APBA1: variants seen among roughly 807,000 people sequenced by gnomAD.
APBA1 encodes amyloid beta precursor protein binding family A member 1.
APBA1 carries 55 observed loss-of-function variants against 86.6 expected under a neutral mutation model. The observed-to-expected ratio is 0.64, with a 90% CI of 0.51 to 0.80. The LOEUF (loss-of-function observed/expected upper bound fraction) is 0.80. Ranked by LOEUF, APBA1 falls within the 30% of genes least tolerant of loss-of-function variation. The pLI, the probability that APBA1 is intolerant of heterozygous loss-of-function variation, is 0.00. For synonymous variants in APBA1, 511 were observed against 493.9 expected (o/e 1.03, Z -0.46); for missense variants, 1,090 against 1,183.0 (o/e 0.92, Z 1.15).
chr9:69,449,892 A>C lies in APBA1; in HGVS notation c.1969-96T>G, dbSNP rs530902391. On this transcript the variant is annotated intron_variant, in intron 9 of 12. Coordinates refer to ENST00000265381, the MANE Select transcript of APBA1 (RefSeq NM_001163.4). Reference sequence around the variant, plus strand: ...CCCCCATTCCTGTCTTGCCTAAAGAAAGACACTTCCCTGGGGACACCAACC... The same window carrying C: ...CCCCCATTCCTGTCTTGCCTAAAGACAGACACTTCCCTGGGGACACCAACC... 13 of 1,125,220 alleles carry C rather than the reference A, an allele frequency of 1.2e-5. No individual in the cohort carries two copies. The Admixed American group carries it at 2.2e-4, about 19-fold the overall frequency. The allele number at this position is 1,125,220 out of a possible 1,614,324, so 69.7% of individuals were successfully genotyped here.
chr9:69,669,803 C>G (rs1438940970), intron 1 of APBA1, among the ~76,000 whole-genome samples: 11 of 152,046 alleles, frequency 7.2e-5, no homozygotes, highest in Non-Finnish European at 1.0e-4. Flanking sequence ...AAAATGATCA[C>G]ATTTACATTA....
At chr9:69,654,680 G>A (rs1823574164) in intron 1 of APBA1, among the ~76,000 whole-genome samples, 2 of 152,104 alleles carry the variant, frequency 1.3e-5, no homozygotes, top group South Asian at 4.1e-4. Flanking sequence ...TTGAAGAGAA[G>A]GGAATACTTC....
chr9:69,540,815 T>C (rs1361940116), intron 1 of APBA1, among the ~76,000 whole-genome samples: 4 of 152,130 alleles, frequency 2.6e-5, no homozygotes, highest in Non-Finnish European at 5.9e-5. Context: ...CCCAGGTTGG[T>C]CTTGAACTTG....
intron 5 of APBA1, 88 bp from the exon 6 acceptor site, chr9:69,458,276 T>C (rs1835133134): frequency 2.4e-6 from 3 of 1,228,672 alleles, no homozygotes; most frequent in Admixed American, 2.2e-5. Context: ...GACAAACTAA[T>C]ACTGAATAGT....
At chr9:69,511,400 A>G (rs201464430) in intron 2 of APBA1, among the ~76,000 whole-genome samples, 22,882 of 152,076 alleles carry the variant, frequency 0.15, 2,284 homozygotes, top group East Asian at 0.29. Flanking sequence ...TTAGAATGGC[A>G]ATCACTAAAA....
At chr9:69,555,098 A>G (rs111529180) in intron 1 of APBA1, among the ~76,000 whole-genome samples, 15 of 152,308 alleles carry the variant, frequency 9.8e-5, no homozygotes, top group African/African-American at 3.1e-4. Flanking sequence ...GCAACATCAG[A>G]AAGTCATTTT....
intron 1 of APBA1, among the ~76,000 whole-genome samples, chr9:69,612,094 G>A: frequency 6.6e-6 from 1 of 151,986 alleles, no homozygotes; most frequent in Non-Finnish European, 1.5e-5. Context: ...CAATTTTTGT[G>A]TAATTCTTTG....
intron 10 of APBA1, among the ~76,000 whole-genome samples, chr9:69,443,904 C>T (rs924308444): frequency 3.3e-5 from 5 of 152,178 alleles, no homozygotes; most frequent in African/African-American, 1.2e-4. Flanking sequence ...TCTGTGTCCC[C>T]AAATTCCAGC....
chr9:69,553,043 A>G lies in APBA1; in HGVS notation c.-69-35764T>C, dbSNP rs548308848. Among the ~76,000 whole-genome samples, 4 of 152,082 alleles carry G rather than the reference A, an allele frequency of 2.6e-5. No individual in the cohort carries two copies. In the South Asian group the frequency reaches 8.3e-4, roughly 32 times the overall value. On this transcript the variant is annotated intron_variant, in intron 1 of 12. Coordinates refer to ENST00000265381, the MANE Select transcript of APBA1 (RefSeq NM_001163.4). ...CTAAGCCTCCTGAGTAGCTGGGAAT[A>G]CAGGCATGTGCCACTACACTCGGCT...
chr9:69,561,613 T>C (rs1836946280), intron 1 of APBA1, among the ~76,000 whole-genome samples: 1 of 151,766 alleles, frequency 6.6e-6, no homozygotes, highest in Non-Finnish European at 1.5e-5. Context: ...CTGCCAAACC[T>C]ACTCCTTATC....
At chr9:69,617,341 G>A (rs1333509074) in intron 1 of APBA1, among the ~76,000 whole-genome samples, 1 of 151,956 alleles carries the variant, frequency 6.6e-6, no homozygotes, top group East Asian at 1.9e-4. Context: ...TAATATTGTA[G>A]TGGTGACTTC....
At chr9:69,616,134 A>G (rs938561808) in intron 1 of APBA1, among the ~76,000 whole-genome samples, 9 of 152,356 alleles carry the variant, frequency 5.9e-5, no homozygotes, top group African/African-American at 2.2e-4. Context: ...TAGTCCACGC[A>G]GTGAGTGACT....
At chr9:69,523,248 A>G (rs1458917177) in intron 1 of APBA1, among the ~76,000 whole-genome samples, 1 of 151,866 alleles carries the variant, frequency 6.6e-6, no homozygotes, top group Non-Finnish European at 1.5e-5. Context: ...ATCATTGATG[A>G]GCATTTCCAA....
intron 5 of APBA1, among the ~76,000 whole-genome samples, chr9:69,466,724 G>A (rs1835286353): frequency 1.3e-5 from 2 of 152,188 alleles, no homozygotes; most frequent in South Asian, 2.1e-4. Flanking sequence ...CTTTGATTGC[G>A]AGATCAAGGA....
At chr9:69,491,372 G>T (rs1277070187) in intron 2 of APBA1, among the ~76,000 whole-genome samples, 1 of 151,774 alleles carries the variant, frequency 6.6e-6, no homozygotes, top group African/African-American at 2.4e-5. Context: ...ACCAAACACC[G>T]CATGTTCTCA....
intron 1 of APBA1, among the ~76,000 whole-genome samples, chr9:69,624,419 A>G (rs897031218): frequency 6.6e-6 from 1 of 152,226 alleles, no homozygotes; most frequent in African/African-American, 2.4e-5. Context: ...TTCTTCTATT[A>G]TTAATTATTA....
intron 1 of APBA1, among the ~76,000 whole-genome samples, chr9:69,635,014 A>C (rs1336782008): frequency 4.6e-5 from 7 of 152,182 alleles, no homozygotes. Flanking sequence ...GCTAATGAAC[A>C]ATAAGAAATC....
rs760109806 is a variant in APBA1, at chr9:69,449,767, G to T, written c.1998C>A (p.Ile666=). ...DVFIEKQKGE[I]LGVVIVESGW... ...CAGACTCCACAATCACCACACCTAG[G>T]ATTTCTCCTTTCTGCTTCTCTATGA... Residue 666 remains isoleucine (I), a synonymous_variant, in exon 10 of 13, where the codon ATC becomes ATA. Coordinates refer to ENST00000265381, the MANE Select transcript of APBA1 (RefSeq NM_001163.4). The T allele has an allele frequency of 4.3e-6, 7 of 1,612,382 alleles. No homozygotes were observed. In the East Asian group the frequency reaches 1.6e-4, roughly 36 times the overall value.
At chr9:69,451,114 T>C (rs1027262000) in intron 9 of APBA1, among the ~76,000 whole-genome samples, 20 of 152,202 alleles carry the variant, frequency 1.3e-4, no homozygotes, top group African/African-American at 4.3e-4. Flanking sequence ...ATAACCGGCA[T>C]GGGGTACAAA....
Sources: allele counts gnomAD v4.1 joint callset (sites outside exome capture counted in the v4.1 genomes callset), GRCh38; gene constraint gnomAD v4.1.1; transcripts MANE v1.5; gene names NCBI Gene and HGNC (gene_info 2026-07-23, HGNC 2026-07-21).